ZNF98: variants seen among roughly 807,000 people sequenced by gnomAD.
ZNF98 encodes the protein zinc finger protein 739.
ZNF98 carries 8 observed loss-of-function variants against 12.8 expected under a neutral mutation model. The ratio of observed to expected loss-of-function variants is 0.63; its 90% CI spans 0.37 to 1.13. The LOEUF (loss-of-function observed/expected upper bound fraction) is 1.13, where lower values mean the gene tolerates loss of function less well. Ranked by LOEUF, ZNF98 falls within the 50% of genes most tolerant of loss-of-function variation. ZNF98 has a pLI of 0.01. For synonymous variants in ZNF98, 112 were observed against 223.5 expected (o/e 0.50, Z 4.45); for missense variants, 379 against 666.1 (o/e 0.57, Z 4.74).
In ZNF98 at chr19:22,422,310, G is replaced by T. The variant is rs535216802; in HGVS notation, c.-86C>A. 1.9e-6 allele frequency: 3 copies of T among 1,540,270 alleles called. No homozygotes were observed. The highest frequency in any genetic ancestry group is 1.7e-5 in the Admixed American group (1 of 59,426). ...GCAGAGGACACAGAAGGGCGAAGACGAGACCAGGAACTCCGGCTGCAGCGA... is the reference window on the plus strand; with the variant it reads ...GCAGAGGACACAGAAGGGCGAAGACTAGACCAGGAACTCCGGCTGCAGCGA... On this transcript the variant is annotated 5_prime_UTR_variant, in exon 1 of 4. Coordinates refer to ENST00000357774, the MANE Select transcript of ZNF98 (RefSeq NM_001098626.2).
chr19:22,408,567 C>T (rs186980549), intron 1 of ZNF98, among the ~76,000 whole-genome samples: 2 of 152,258 alleles, frequency 1.3e-5, no homozygotes, highest in Middle Eastern at 3.4e-3. Context: ...CCAAAAACTC[C>T]GTAAGCTGAT....
intron 1 of ZNF98, among the ~76,000 whole-genome samples, chr19:22,409,682 T>G (rs567536853): frequency 1.1e-4 from 16 of 152,142 alleles, no homozygotes; most frequent in African/African-American, 3.9e-4. Context: ...GAGGCCGAGA[T>G]GGGTAGATCA....
At chr19:22,422,060 G>A (rs1969710386) in intron 1 of ZNF98, 135 bp downstream of exon 1, 2 of 1,162,640 alleles carry the variant, frequency 1.7e-6, no homozygotes, top group African/African-American at 1.5e-5. Context: ...GACTGAGGCC[G>A]AGCTAGGCAA....
intron 1 of ZNF98, 66 bp downstream of exon 1, chr19:22,422,129 G>T: frequency 6.2e-7 from 1 of 1,600,470 alleles, no homozygotes; most frequent in Non-Finnish European, 8.6e-7. Flanking sequence ...TCCCGCCACA[G>T]CCTCTTCCCA....
intron 3 of ZNF98, among the ~76,000 whole-genome samples, chr19:22,401,940 G>T (rs1399364327): frequency 6.7e-6 from 1 of 149,976 alleles, no homozygotes; most frequent in Non-Finnish European, 1.5e-5. Context: ...ACTTTGGGAG[G>T]CCAAGGCAGG....
rs1471625386 is a variant in ZNF98 at position 22,391,777 on chromosome 19, T to A, written c.1458A>T (p.Gly486=). ...ATTCTTCACATTTGTAGGGCTTCTC[T>A]CCAGTATGAATTACCTTATGTTTAG... ...TLSKHKVIHT[G]EKPYKCEECG... is the part of the protein sequence containing the mutation. The change falls in exon 4 of 4, where the codon GGA becomes GGT. Residue 486 remains glycine, a synonymous_variant. Coordinates refer to ENST00000357774, the MANE Select transcript of ZNF98 (RefSeq NM_001098626.2). 1 of 1,602,296 alleles carries A rather than the reference T, an allele frequency of 6.2e-7. No individual in the cohort carries two copies. Among genetic ancestry groups the A allele is most frequent in the Non-Finnish European group, 8.5e-7 (1 of 1,174,102 alleles).
intron 1 of ZNF98, among the ~76,000 whole-genome samples, chr19:22,407,193 A>G (rs1194601991): frequency 2.0e-5 from 3 of 151,644 alleles, no homozygotes; most frequent in Non-Finnish European, 4.4e-5. Flanking sequence ...AGTAGCTGGG[A>G]TTACAGGCGC....
intron 1 of ZNF98, among the ~76,000 whole-genome samples, chr19:22,404,526 G>GA (rs568013420): frequency 4.7e-4 from 70 of 150,128 alleles, no homozygotes; most frequent in African/African-American, 1.5e-3. Context: ...GAACTCTATA[G>GA]AAAAAAAAAT....
chr19:22,418,656 A>G (rs2145124002), intron 1 of ZNF98, among the ~76,000 whole-genome samples: 1 of 152,338 alleles, frequency 6.6e-6, no homozygotes, highest in South Asian at 2.1e-4. Flanking sequence ...AGGCAGGTGG[A>G]TCACCTGAGG....
At chr19:22,414,232 CAAAAAAAAAA>C (rs57966582) in intron 1 of ZNF98, among the ~76,000 whole-genome samples, 2 of 89,392 alleles carry the variant, frequency 2.2e-5, no homozygotes, top group South Asian at 5.0e-4. Flanking sequence ...GACTCCATCT[CAAAAAAAAAA>C]AAAAAAAAAA....
intron 1 of ZNF98, among the ~76,000 whole-genome samples, chr19:22,410,716 T>C (rs1969571929): frequency 6.6e-6 from 1 of 152,128 alleles, no homozygotes; most frequent in Non-Finnish European, 1.5e-5. Context: ...CTCTCAAGCT[T>C]TAATGAGCTT....
At position 22,421,360 on chromosome 19, in the gene ZNF98, G is replaced by A. The variant is rs970442023; in HGVS notation, c.30+835C>T. 3.5e-5 allele frequency among the ~76,000 whole-genome samples: 5 copies of A among 143,402 alleles called. No homozygotes were observed. The East Asian group carries it at 7.7e-4, about 22-fold the overall frequency. 94.1% of individuals were successfully genotyped at this position (143,402 alleles called of 152,430 possible). The stretch of plus-strand genomic sequence containing the variant: ...GAGTTAGGCTGCAGAAATGGGGTGT[G>A]GGGGGTTGCCTTGAGACCCTGCTTG... On this transcript the variant is annotated intron_variant, in intron 1 of 3. Transcript: ENST00000357774.
chr19:22,421,125 C>G (rs1012208417), intron 1 of ZNF98, among the ~76,000 whole-genome samples: 1 of 152,126 alleles, frequency 6.6e-6, no homozygotes, highest in Non-Finnish European at 1.5e-5. Flanking sequence ...TTAAACCTCC[C>G]ACAGAATTTG....
chr19:22,408,277 G>A (rs761344092), intron 1 of ZNF98, among the ~76,000 whole-genome samples: 2 of 152,146 alleles, frequency 1.3e-5, no homozygotes, highest in African/African-American at 4.8e-5. Context: ...AATAAACCAG[G>A]TGTTGATGGA....
intron 1 of ZNF98, among the ~76,000 whole-genome samples, chr19:22,409,201 G>A (rs552512448): frequency 1.3e-5 from 2 of 152,068 alleles, no homozygotes; most frequent in Non-Finnish European, 2.9e-5. Context: ...AGGATTTTCT[G>A]TTCAATAAAT....
At chr19:22,394,978 G>A (rs1969373336) in intron 3 of ZNF98, among the ~76,000 whole-genome samples, 1 of 151,888 alleles carries the variant, frequency 6.6e-6, no homozygotes, top group Admixed American at 6.6e-5. Flanking sequence ...TTGAGACCAA[G>A]CCTTGGCAAC....
Position 22,392,135 on chromosome 19 carries a change from G to A in ZNF98, c.1100C>T (p.Thr367Ile). The A allele has an allele frequency of 6.2e-7, 1 of 1,612,510 alleles. No homozygotes were observed. The highest frequency in any genetic ancestry group is 1.1e-5 in the South Asian group (1 of 90,890). Reference protein sequence around the residue: ...KAFSRLSHLTTHKRIHSGEKP... With the variant: ...KAFSRLSHLTIHKRIHSGEKP... ...CTCTCCAGAATGAATTCTCTTATGT[G>A]TAGTAAGGTGGGATAACCGGCTAAA... The change falls in exon 4 of 4, where the codon ACA becomes ATA. Residue 367 changes from threonine (T) to isoleucine (I), a missense_variant. By Grantham distance (89) the Thr-to-Ile change is moderately conservative. Coordinates refer to ENST00000357774, the MANE Select transcript of ZNF98 (RefSeq NM_001098626.2).
At chr19:22,421,418 T>TC (rs1159410420) in intron 1 of ZNF98, among the ~76,000 whole-genome samples, 1 of 152,098 alleles carries the variant, frequency 6.6e-6, no homozygotes, top group Non-Finnish European at 1.5e-5. Context: ...GGAAAATCAG[T>TC]CCCACGTGGC....
intron 1 of ZNF98, among the ~76,000 whole-genome samples, chr19:22,410,103 T>C (rs1969565004): frequency 6.6e-6 from 1 of 151,944 alleles, no homozygotes. Flanking sequence ...TCAGAAACAA[T>C]AGATGCTGGT....
Sources: gnomAD v4.1 joint callset for allele counts (sites outside exome capture counted in the v4.1 genomes callset) on GRCh38, gnomAD v4.1.1 for gene constraint, MANE v1.5 for transcripts, NCBI Gene and HGNC (gene_info 2026-07-23, HGNC 2026-07-21) for gene names.